The following PLXNA4 variants were observed in gnomAD, a reference collection of about 807,000 sequenced individuals.
PLXNA4 encodes the protein plexin A4.
Under a neutral mutation model 191.8 loss-of-function variants are expected in PLXNA4, and 44 were observed. The observed-to-expected ratio is 0.23, with a 90% CI of 0.18 to 0.29. PLXNA4 has a LOEUF of 0.29. PLXNA4 is among the 10% of genes least tolerant of loss of function. The probability of loss-of-function intolerance (pLI) is 1.00; values close to 1 mark genes in which losing one functional copy is unlikely to be tolerated. For missense variants in PLXNA4, 1,800 were observed against 2,488.8 expected (o/e 0.72, Z 5.89); for synonymous variants, 1,082 against 1,009.5 (o/e 1.07, Z -1.36).
At chr7:132,517,130 C>A (rs1798973410) in intron 1 of PLXNA4, among the ~76,000 whole-genome samples, 1 of 152,172 alleles carries the variant, frequency 6.6e-6, no homozygotes, top group African/African-American at 2.4e-5. Flanking sequence ...CTCAATTGTG[C>A]AGGTGGATTG....
In PLXNA4 at chr7:132,168,402, G is replaced by A. The variant is rs760503773; in HGVS notation, c.4188C>T (p.Ser1396=). The A allele has an allele frequency of 1.2e-6, 2 of 1,613,774 alleles. No individual in the cohort carries two copies. Among genetic ancestry groups the A allele is most frequent in the Non-Finnish European group, 1.7e-6 (2 of 1,179,782 alleles). ...GCACATCAGTGGCGTACTCCAGCTT[G>A]CTCTGCAGCACGGTCATGATGAGTG... The part of the protein sequence containing the change: ...VASLIMTVLQ[S]KLEYATDVLK... The change falls in exon 22 of 32, where the codon AGC becomes AGT. Residue 1396 remains serine (S), a synonymous_variant. Coordinates refer to ENST00000321063, the MANE Select transcript of PLXNA4 (RefSeq NM_020911.2).
At chr7:132,541,114 A>G (rs1800061107) in intron 1 of PLXNA4, among the ~76,000 whole-genome samples, 2 of 152,236 alleles carry the variant, frequency 1.3e-5, no homozygotes, top group South Asian at 4.1e-4. Context: ...TAACAGCAGC[A>G]CACAAAAGCA....
intron 13 of PLXNA4, 84 bp from the exon 14 acceptor site, chr7:132,194,263 T>A: frequency 6.7e-7 from 1 of 1,498,996 alleles, no homozygotes; most frequent in African/African-American, 1.4e-5. Context: ...CCAGGTCCCT[T>A]TCTCCACAGT....
At chr7:132,433,584 C>T (rs2117207356) in intron 3 of PLXNA4, among the ~76,000 whole-genome samples, 1 of 152,302 alleles carries the variant, frequency 6.6e-6, no homozygotes, top group East Asian at 1.9e-4. Flanking sequence ...CTGGCTTGTG[C>T]ATGAAGCTTC....
chr7:132,427,524 TCACCTC>T (rs1795092642), intron 3 of PLXNA4, among the ~76,000 whole-genome samples: 3 of 152,174 alleles, frequency 2.0e-5, no homozygotes, highest in Non-Finnish European at 2.9e-5. Context: ...GTGGGGGCCC[TCACCTC>T]CACCCCTAAA....
At chr7:132,476,455 G>T (rs1797132628) in intron 3 of PLXNA4, among the ~76,000 whole-genome samples, 1 of 152,212 alleles carries the variant, frequency 6.6e-6, no homozygotes, top group South Asian at 2.1e-4. Flanking sequence ...GTTTTTCAAT[G>T]CAATCTGCAG....
At position 132,127,880 on chromosome 7, in the gene PLXNA4, AG is replaced by A. The variant is rs1794814618; in HGVS notation, c.*2598del. On this transcript the variant is annotated 3_prime_UTR_variant, in exon 32 of 32. Coordinates refer to ENST00000321063, the MANE Select transcript of PLXNA4 (RefSeq NM_020911.2). ...ATAAAATAAAGTCCTGTACCGCCAA[AG>A]TAACAATAACAATAATCATCATCCA... The A allele has an allele frequency of 1.6e-5, 1 of 64,038 alleles. No homozygotes were observed. The highest frequency in any genetic ancestry group is 3.8e-5 in the Non-Finnish European group (1 of 26,316). The allele number at this position is 64,038 out of a possible 1,614,324, so 4.0% of individuals were successfully genotyped here. A position where few individuals can be genotyped will look rare whatever the true frequency, so the allele number is the denominator to read the frequency against.
intron 3 of PLXNA4, among the ~76,000 whole-genome samples, chr7:132,317,370 G>A (rs1801985119): frequency 6.6e-6 from 1 of 151,754 alleles, no homozygotes; most frequent in Non-Finnish European, 1.5e-5. Context: ...GTGTTGGGTT[G>A]TATTGGATTG....
chr7:132,563,545 TCC>T (rs1172252356), intron 1 of PLXNA4, among the ~76,000 whole-genome samples: 5 of 116,122 alleles, frequency 4.3e-5, no homozygotes, highest in African/African-American at 1.6e-4. Context: ...CTCCTCCTCC[TCC>T]TTCTCCTACT....
At chr7:132,498,076 C>T (rs551428463) in intron 2 of PLXNA4, among the ~76,000 whole-genome samples, 61 of 152,174 alleles carry the variant, frequency 4.0e-4, no homozygotes, top group Middle Eastern at 6.8e-3. Context: ...TTTCAGTTAC[C>T]GCAGCTTCAG....
intron 1 of PLXNA4, among the ~76,000 whole-genome samples, chr7:132,549,192 T>C (rs1800443619): frequency 6.6e-6 from 1 of 152,230 alleles, no homozygotes; most frequent in African/African-American, 2.4e-5. Flanking sequence ...TTTACTTTCT[T>C]AATAAACTTG....
chr7:132,180,881 G>A, intron 18 of PLXNA4, 149 bp from the exon 19 acceptor site: 1 of 1,316,484 alleles, frequency 7.6e-7, no homozygotes, highest in Non-Finnish European at 1.0e-6. Flanking sequence ...AATATTCATG[G>A]CATGACTACC....
At chr7:132,424,102 G>T (rs575431879) in intron 3 of PLXNA4, among the ~76,000 whole-genome samples, 1 of 152,094 alleles carries the variant, frequency 6.6e-6, no homozygotes, top group South Asian at 2.1e-4. Context: ...AGGCTGAGAC[G>T]TTGAAAGGCA....
intron 25 of PLXNA4, among the ~76,000 whole-genome samples, chr7:132,151,843 C>A (rs4731851): frequency 0.61 from 91,999 of 151,968 alleles, 33,354 homozygotes; most frequent in East Asian, 0.82. Context: ...GTATAACTGG[C>A]GGGCAGCCCC....
At chr7:132,254,724 C>T (rs1231241824) in intron 4 of PLXNA4, among the ~76,000 whole-genome samples, 1 of 152,166 alleles carries the variant, frequency 6.6e-6, no homozygotes, top group African/African-American at 2.4e-5. Context: ...TAGTAGTAGG[C>T]CAGTTGCTTT....
chr7:132,282,889 T>G (rs781769007), intron 4 of PLXNA4, among the ~76,000 whole-genome samples: 14 of 152,106 alleles, frequency 9.2e-5, no homozygotes, highest in Non-Finnish European at 2.1e-4. Context: ...TATTTATTTA[T>G]TTTTTGAGAT....
chr7:132,246,837 A>C (rs2117060772), intron 4 of PLXNA4, among the ~76,000 whole-genome samples: 1 of 152,094 alleles, frequency 6.6e-6, no homozygotes, highest in East Asian at 1.9e-4. Context: ...CCATCTTCCT[A>C]ACCTGTCCAG....
At position 132,489,752 on chromosome 7, in the gene PLXNA4, G is replaced by A. The variant is rs113901483; in HGVS notation, c.1189-278C>T. Reference sequence around the variant, plus strand: ...TGCCCCTCATCCAACCCCTCCCAGCGCCATCTTGGGAGCTTTGTCCATCAT... The same window carrying A: ...TGCCCCTCATCCAACCCCTCCCAGCACCATCTTGGGAGCTTTGTCCATCAT... On this transcript the variant is annotated intron_variant, in intron 2 of 31. Coordinates refer to ENST00000321063, the MANE Select transcript of PLXNA4 (RefSeq NM_020911.2). Among the ~76,000 whole-genome samples, 1,412 of 152,160 alleles carry A rather than the reference G, an allele frequency of 9.3e-3. 28 individuals carry two copies. Among genetic ancestry groups the A allele is most frequent in the African/African-American group, 0.032 (1,345 of 41,510 alleles).
chr7:132,482,838 G>A (rs1797391400), intron 3 of PLXNA4, among the ~76,000 whole-genome samples: 3 of 151,962 alleles, frequency 2.0e-5, no homozygotes, highest in South Asian at 2.1e-4. Context: ...GATTACAGGT[G>A]TGCACCATCA....
Sources: gnomAD v4.1 joint callset for allele counts (sites outside exome capture counted in the v4.1 genomes callset) on GRCh38, gnomAD v4.1.1 for gene constraint, MANE v1.5 for transcripts, NCBI Gene and HGNC (gene_info 2026-07-23, HGNC 2026-07-21) for gene names.